Variants in CATSPERB observed in about 807,000 individuals in gnomAD.
CATSPERB encodes catsper channel auxiliary subunit beta.
A neutral mutation model predicts 128.3 loss-of-function variants in CATSPERB; 93 were observed. That is an observed-to-expected ratio of 0.72 (90% CI 0.61 to 0.86). The LOEUF is 0.86. CATSPERB is among the 40% of genes least tolerant of loss of function. The probability of loss-of-function intolerance (pLI) is 0.00; values close to 1 mark genes in which losing one functional copy is unlikely to be tolerated. For synonymous variants in CATSPERB, 381 were observed against 448.8 expected (o/e 0.85, Z 1.91); for missense variants, 1,153 against 1,329.5 (o/e 0.87, Z 2.06).
chr14:91,714,277 C>CAAAAAAAAAAAAAAAA (rs35951126), intron 5 of CATSPERB, among the ~76,000 whole-genome samples: 16 of 111,250 alleles, frequency 1.4e-4, no homozygotes, highest in Non-Finnish European at 1.8e-4. Flanking sequence ...TACAATAAGG[C>CAAAAAAAAAAAAAAAA]AAAAAAAAAA....
chr14:91,644,365 T>C (rs897247514), intron 15 of CATSPERB, among the ~76,000 whole-genome samples: 2 of 146,412 alleles, frequency 1.4e-5, no homozygotes, highest in East Asian at 2.0e-4. Context: ...TTCCTTTCCA[T>C]GTTTAGCGCT....
rs3029803 is a variant in CATSPERB at position 91,587,477 on chromosome 14, C to CTTTTTTTTTT, written c.3058-211_3058-202dup. Among the ~76,000 whole-genome samples the CTTTTTTTTTT allele has an allele frequency of 1.4e-4, 14 of 101,564 alleles. 1 individual carries two copies. Among genetic ancestry groups the CTTTTTTTTTT allele is most frequent in the East Asian group, 2.8e-4 (1 of 3,532 alleles). The allele number at this position is 101,564 out of a possible 152,430, so 66.6% of individuals were successfully genotyped here. A position where few individuals can be genotyped will look rare whatever the true frequency, so the allele number is the denominator to read the frequency against. On this transcript the variant is annotated intron_variant, in intron 25 of 26. Coordinates refer to ENST00000256343, the MANE Select transcript of CATSPERB (RefSeq NM_024764.4). Reference sequence around the variant, plus strand: ...AAGTGGAGGGATTCAATAGCTGATACTTTTTTTTTTTTTTTTTTTTTTTTT... The same window carrying CTTTTTTTTTT: ...AAGTGGAGGGATTCAATAGCTGATACTTTTTTTTTTTTTTTTTTTTTTTTTTTTTTTTTTT...
chr14:91,619,661 C>T (rs1894006483), intron 19 of CATSPERB, among the ~76,000 whole-genome samples: 1 of 150,784 alleles, frequency 6.6e-6, no homozygotes, highest in Admixed American at 6.6e-5. Flanking sequence ...TTTCTGTTAT[C>T]TCAAGTTCCT....
chr14:91,591,756 C>T (rs991067598), intron 23 of CATSPERB, 136 bp downstream of exon 23: 20 of 643,472 alleles, frequency 3.1e-5, no homozygotes, highest in African/African-American at 7.3e-5. Flanking sequence ...CTTTCTAGCT[C>T]GGTGTCATAT....
At chr14:91,615,048 C>G (rs1044950182) in intron 20 of CATSPERB, among the ~76,000 whole-genome samples, 9 of 152,070 alleles carry the variant, frequency 5.9e-5, no homozygotes, top group African/African-American at 2.2e-4. Context: ...TGCAATAGAA[C>G]TAACAAAAAC....
At chr14:91,587,158 T>G in intron 26 of CATSPERB, 44 bp downstream of exon 26, 1 of 1,471,324 alleles carries the variant, frequency 6.8e-7, no homozygotes, top group South Asian at 1.2e-5. Flanking sequence ...GTCATGTTTT[T>G]TCCCCAGCCA....
intron 15 of CATSPERB, among the ~76,000 whole-genome samples, chr14:91,650,276 T>C (rs1320214349): frequency 6.7e-6 from 1 of 148,596 alleles, no homozygotes; most frequent in Admixed American, 7.1e-5. Context: ...GTTTTATTGC[T>C]GCTTAAAATG....
At chr14:91,618,269 C>T (rs1893982148) in intron 19 of CATSPERB, among the ~76,000 whole-genome samples, 3 of 152,098 alleles carry the variant, frequency 2.0e-5, no homozygotes, top group Non-Finnish European at 1.5e-5. Flanking sequence ...TTCTTTACTG[C>T]AACCAGTTTT....
intron 22 of CATSPERB, chr14:91,604,868 T>C: frequency 7.2e-7 from 1 of 1,383,232 alleles, no homozygotes; most frequent in Non-Finnish European, 1.0e-6. Context: ...CTGCCACCTC[T>C]TAGATTTCAT....
At chr14:91,633,829 T>TAG (rs778834883) in intron 17 of CATSPERB, among the ~76,000 whole-genome samples, 497 of 151,464 alleles carry the variant, frequency 3.3e-3, no homozygotes, top group Non-Finnish European at 5.4e-3. Context: ...AATATATATA[T>TAG]ATAGAGAGAG....
intron 2 of CATSPERB, among the ~76,000 whole-genome samples, chr14:91,727,896 G>A (rs1002323203): frequency 1.3e-5 from 2 of 152,120 alleles, no homozygotes; most frequent in Admixed American, 6.5e-5. Context: ...AAGCTCAAAC[G>A]TCATATAACT....
rs1475480782 is a variant in CATSPERB, at chr14:91,636,458, C to T, written c.1709G>A (p.Gly570Asp). 6.2e-7 allele frequency: 1 copy of T among 1,613,924 alleles called. No homozygotes were observed. Among genetic ancestry groups the T allele is most frequent in the Non-Finnish European group, 8.5e-7 (1 of 1,180,010 alleles). ...TATCACTTTTCCATAGTGTATATTG[C>T]CGAACTTCTTGCTGTAGATCGTTTC... The part of the protein sequence containing the change: ...PQETIYSKKF[G>D]NIHYGKVIHS... Residue 570 changes from glycine to aspartate, a missense_variant, in exon 17 of 27, where the codon GGC becomes GAC. Gly to Asp is a moderately conservative substitution (Grantham distance 94). Coordinates refer to ENST00000256343, the MANE Select transcript of CATSPERB (RefSeq NM_024764.4).
intron 17 of CATSPERB, among the ~76,000 whole-genome samples, chr14:91,631,679 A>T (rs544855261): frequency 4.6e-5 from 7 of 152,054 alleles, no homozygotes; most frequent in South Asian, 2.1e-4. Flanking sequence ...AAACAAACAA[A>T]AATAATAATA....
At chr14:91,699,409 C>A (rs535791534) in intron 7 of CATSPERB, among the ~76,000 whole-genome samples, 2 of 152,066 alleles carry the variant, frequency 1.3e-5, no homozygotes, top group South Asian at 4.2e-4. Flanking sequence ...ATCACAACAT[C>A]ATTTTTCACA....
intron 16 of CATSPERB, among the ~76,000 whole-genome samples, chr14:91,638,640 T>A (rs1453543369): frequency 6.6e-6 from 1 of 152,138 alleles, no homozygotes; most frequent in African/African-American, 2.4e-5. Context: ...CAGGCTAGTC[T>A]CCAACTCCTG....
intron 6 of CATSPERB, 117 bp downstream of exon 6, chr14:91,708,013 ATTATCTCCTAT>A: frequency 1.5e-6 from 1 of 675,586 alleles, no homozygotes; most frequent in Non-Finnish European, 2.6e-6. Flanking sequence ...AAGGGTCATG[ATTATCTCCTAT>A]TTATTTATTT....
intron 7 of CATSPERB, among the ~76,000 whole-genome samples, chr14:91,694,438 C>CAAAAAAAAAA (rs547649333): frequency 3.0e-5 from 2 of 65,768 alleles, no homozygotes; most frequent in African/African-American, 5.8e-5. Context: ...GACCCTATCT[C>CAAAAAAAAAA]AAAAAAAAAA....
chr14:91,691,336 C>T (rs530630316), intron 10 of CATSPERB, among the ~76,000 whole-genome samples, 187 bp downstream of exon 10: 3 of 151,578 alleles, frequency 2.0e-5, no homozygotes, highest in African/African-American at 4.9e-5. Flanking sequence ...ATGGTTGCTA[C>T]GAATATATGT....
intron 15 of CATSPERB, among the ~76,000 whole-genome samples, chr14:91,647,481 G>T (rs1743121): frequency 0.19 from 28,225 of 152,146 alleles, 2,781 homozygotes; most frequent in South Asian, 0.24. Context: ...TAGCCTGTTT[G>T]CATGCTGCTA....
Sources: allele counts gnomAD v4.1 joint callset (sites outside exome capture counted in the v4.1 genomes callset), GRCh38; gene constraint gnomAD v4.1.1; transcripts MANE v1.5; gene names NCBI Gene and HGNC (gene_info 2026-07-23, HGNC 2026-07-21).